Variants in KATNIP observed in about 807,000 individuals in gnomAD.
KATNIP encodes katanin-interacting protein.
In KATNIP, 126 loss-of-function variants were observed where a neutral mutation model predicts 174.0. The ratio of observed to expected loss-of-function variants is 0.72; its 90% confidence interval spans 0.63 to 0.84. The LOEUF (loss-of-function observed/expected upper bound fraction) is 0.84, where lower values mean the gene tolerates loss of function less well. Among genes scored for constraint, KATNIP ranks in the 40% least tolerant of loss-of-function variants. The probability of loss-of-function intolerance (pLI) is 0.00; values close to 1 mark genes in which losing one functional copy is unlikely to be tolerated. For synonymous variants in KATNIP, 810 were observed against 835.7 expected (o/e 0.97, Z 0.53); for missense variants, 1,958 against 2,109.7 (o/e 0.93, Z 1.41).
chr16:27,777,512 G>A lies in KATNIP; in HGVS notation c.4552-98G>A, dbSNP rs185183254. On this transcript the variant is annotated intron_variant, in intron 25 of 27. Coordinates refer to ENST00000261588, the MANE Select transcript of KATNIP (RefSeq NM_015202.5). The surrounding 1 kb of genome is among the most constrained non-coding windows in gnomAD (Gnocchi z 4.4). ...TTGTTCCTGACAGCCCCGTCTTCCC[G>A]AGGAGAAAGCCTTGGCTCAGAGCAG... 826 of 1,217,414 alleles carry A rather than the reference G, an allele frequency of 6.8e-4. 2 individuals are homozygous for A. The African/African-American group carries it at 8.6e-3, about 13-fold the overall frequency. 75.4% of individuals were successfully genotyped at this position (1,217,414 alleles called of 1,614,324 possible).
intron 15 of KATNIP, among the ~76,000 whole-genome samples, chr16:27,743,288 T>G (rs2081172707): frequency 6.6e-6 from 1 of 152,210 alleles, no homozygotes; most frequent in South Asian, 2.1e-4. Context: ...ATTACATGTC[T>G]TAATGCATGC....
Position 27,777,030 on chromosome 16 carries a change from G to T in KATNIP, c.4551+1G>T. 3 of 1,593,404 alleles carry T rather than the reference G, an allele frequency of 1.9e-6. No homozygotes were observed. The highest frequency in any genetic ancestry group is 2.6e-6 in the Non-Finnish European group (3 of 1,161,958). ...CCATCGAGGGGTGAAGGAGTTTGGC[G>T]TAAGTACTTATTAGCTGAGTTTTTT... On this transcript the variant is annotated splice_donor_variant, in intron 25 of 27. Transcript: ENST00000261588. LOFTEE classifies it high-confidence loss of function. The surrounding 1 kb of genome is among the most constrained non-coding windows in gnomAD (Gnocchi z 4.4).
In KATNIP at chr16:27,666,397, G is replaced by GTTTTGTTTTA. The variant is rs766441427; in HGVS notation, c.541-11323_541-11322insATTTTGTTTT. Among the ~76,000 whole-genome samples the GTTTTGTTTTA allele has an allele frequency of 5.1e-5, 6 of 116,752 alleles. No homozygotes were observed. In the East Asian group the frequency reaches 1.2e-3, roughly 24 times the overall value. The allele number at this position is 116,752 out of a possible 152,430, so 76.6% of individuals were successfully genotyped here. Reference sequence around the variant, plus strand: ...AATTGATGTAGGGGAATGAGTTTTTGTTTTGTTTTGTTTTGTTTTGTTTTG... The same window carrying GTTTTGTTTTA: ...AATTGATGTAGGGGAATGAGTTTTTGTTTTGTTTTATTTTGTTTTGTTTTGTTTTGTTTTG... On this transcript the variant is annotated intron_variant, in intron 6 of 27. Transcript: ENST00000261588.
chr16:27,750,314 G>A lies in KATNIP; in HGVS notation c.3346+8G>A, dbSNP rs374277288. On this transcript the variant is annotated splice_region_variant and intron_variant, in intron 16 of 27. Coordinates refer to ENST00000261588, the MANE Select transcript of KATNIP (RefSeq NM_015202.5). ...CTGGAACCCTGGCGGGAGGTATGGC[G>A]TGTCTGTAAGAATTTTCTCAGAGCC... 1.9e-5 allele frequency: 31 copies of A among 1,592,248 alleles called. No individual in the cohort carries two copies. The highest frequency in any genetic ancestry group is 8.9e-5 in the East Asian group (4 of 44,762).
At chr16:27,703,406 G>A (rs1241580965) in intron 11 of KATNIP, among the ~76,000 whole-genome samples, 1 of 152,226 alleles carries the variant, frequency 6.6e-6, no homozygotes, top group Non-Finnish European at 1.5e-5. Context: ...AAGAGGAGCA[G>A]AGCAGATCTC....
At chr16:27,584,564 A>G (rs968912967) in intron 2 of KATNIP, among the ~76,000 whole-genome samples, 2 of 152,054 alleles carry the variant, frequency 1.3e-5, no homozygotes, top group African/African-American at 4.8e-5. Context: ...AGGCTGAGGT[A>G]GGTGGATCAC....
intron 19 of KATNIP, among the ~76,000 whole-genome samples, chr16:27,765,356 G>C (rs1478678599): frequency 6.6e-6 from 1 of 152,254 alleles, no homozygotes; most frequent in East Asian, 1.9e-4. Flanking sequence ...TCCCAAGCAA[G>C]GGAACCAGAA....
chr16:27,593,393 C>T (rs2075244428), intron 2 of KATNIP, among the ~76,000 whole-genome samples: 1 of 152,114 alleles, frequency 6.6e-6, no homozygotes, highest in East Asian at 1.9e-4. Context: ...CATGCACCAC[C>T]ACGCCCAACT....
intron 1 of KATNIP, among the ~76,000 whole-genome samples, chr16:27,564,979 G>A (rs532042642): frequency 2.0e-5 from 3 of 151,702 alleles, no homozygotes; most frequent in South Asian, 4.2e-4. Context: ...TAGCCAAGCT[G>A]GTCTCAACTT....
At chr16:27,689,054 C>A (rs2078623409) in intron 8 of KATNIP, among the ~76,000 whole-genome samples, 1 of 152,154 alleles carries the variant, frequency 6.6e-6, no homozygotes, top group Admixed American at 6.6e-5. Flanking sequence ...TGAAGGAAAC[C>A]ATAGGTGCTG....
At chr16:27,567,319 C>G (rs1227831080) in intron 1 of KATNIP, among the ~76,000 whole-genome samples, 1 of 152,062 alleles carries the variant, frequency 6.6e-6, no homozygotes, top group Non-Finnish European at 1.5e-5. Flanking sequence ...GAAATAGATC[C>G]AAATAGATCA....
At chr16:27,753,811 T>A (rs1418092726) in intron 17 of KATNIP, among the ~76,000 whole-genome samples, 1 of 145,788 alleles carries the variant, frequency 6.9e-6, no homozygotes, top group African/African-American at 2.5e-5. Flanking sequence ...CCTCTCTCCC[T>A]TCCTTCTCTT....
At chr16:27,585,234 C>T (rs891548946) in intron 2 of KATNIP, among the ~76,000 whole-genome samples, 2 of 152,258 alleles carry the variant, frequency 1.3e-5, no homozygotes, top group East Asian at 1.9e-4. Context: ...AATGAGATAT[C>T]ATCTCATCCC....
chr16:27,596,581 A>G (rs888717515), intron 2 of KATNIP, among the ~76,000 whole-genome samples: 1 of 152,208 alleles, frequency 6.6e-6, no homozygotes, highest in African/African-American at 2.4e-5. Flanking sequence ...GGCTGAGGTC[A>G]TTAGTTATGC....
intron 2 of KATNIP, among the ~76,000 whole-genome samples, chr16:27,578,493 G>A (rs938933711): frequency 1.3e-5 from 2 of 152,144 alleles, no homozygotes; most frequent in African/African-American, 2.4e-5. Flanking sequence ...TTATAGATGA[G>A]CCCCAAATAA....
intron 2 of KATNIP, among the ~76,000 whole-genome samples, chr16:27,608,571 C>G (rs116335159): frequency 0.021 from 3,144 of 151,046 alleles, 131 homozygotes; most frequent in African/African-American, 0.073. Flanking sequence ...AGGCTGGAGT[C>G]TGGTGGCACG....
At chr16:27,557,644 T>C (rs551769582) in intron 1 of KATNIP, among the ~76,000 whole-genome samples, 1 of 152,022 alleles carries the variant, frequency 6.6e-6, no homozygotes, top group African/African-American at 2.4e-5. Flanking sequence ...TCCAGGCTGG[T>C]CTCCATCTCC....
rs76086539 is a variant in KATNIP at position 27,637,869 on chromosome 16, C to T, written c.408+6707C>T. ...TTGGGTTCATGTGTGCAGAAAGGAC[C>T]GCCCATGGGAGCAAGGGGCTACAGG... On this transcript the variant is annotated intron_variant, in intron 5 of 27. Transcript: ENST00000261588. This position sits in a 1 kb window ranked among gnomAD's most constrained non-coding sequence, Gnocchi z 4.7. Among the ~76,000 whole-genome samples the T allele has an allele frequency of 6.1e-3, 935 of 152,180 alleles. 31 individuals carry two copies. In the East Asian group the frequency reaches 0.09, roughly 15 times the overall value.
intron 1 of KATNIP, among the ~76,000 whole-genome samples, chr16:27,573,491 G>A: frequency 6.6e-6 from 1 of 152,236 alleles, no homozygotes; most frequent in East Asian, 1.9e-4. Context: ...TGGGGGTTTG[G>A]TGCAGCACGT....
Sources: gnomAD v4.1 joint callset for allele counts (sites outside exome capture counted in the v4.1 genomes callset) on GRCh38, gnomAD v4.1.1 for gene constraint, Gnocchi (gnomAD v3.1) non-coding constraint, MANE v1.5 for transcripts, NCBI Gene and HGNC (gene_info 2026-07-23, HGNC 2026-07-21) for gene names.